UQCC1: variants seen among roughly 807,000 people sequenced by gnomAD.
UQCC1 encodes the protein ubiquinol-cytochrome c reductase complex assembly factor 1, also known as bFGF-repressed Zic-binding protein.
In UQCC1, 38 loss-of-function variants were observed where a neutral mutation model predicts 48.0. The ratio of observed to expected loss-of-function variants is 0.79; its 90% confidence interval spans 0.61 to 1.04. UQCC1 has a LOEUF of 1.04. Among genes scored for constraint, UQCC1 ranks in the 50% least tolerant of loss-of-function variants. The pLI is 0.00. For missense variants in UQCC1, 368 were observed against 381.8 expected (o/e 0.96, Z 0.30); for synonymous variants, 111 against 129.2 (o/e 0.86, Z 0.95).
intron 6 of UQCC1, among the ~76,000 whole-genome samples, chr20:35,351,899 A>G (rs1466789933): frequency 6.6e-6 from 1 of 152,254 alleles, no homozygotes; most frequent in East Asian, 1.9e-4. Context: ...CAATGAACAC[A>G]GGAGTTCCTA....
rs866749553 is a variant in UQCC1, at chr20:35,366,568, T to G, written c.453A>C (p.Leu151=). The G allele has an allele frequency of 1.9e-6, 3 of 1,613,778 alleles. No homozygotes were observed. The Middle Eastern group carries it at 5.0e-4, about 267-fold the overall frequency. ...AATTGCTCACTTACCAGACGTGGAGTAGGGTTATAAGAAACCATGAATTGA... is the reference window on the plus strand; with the variant it reads ...AATTGCTCACTTACCAGACGTGGAGGAGGGTTATAAGAAACCATGAATTGA... ...DTFNSWFLIT[L]LHVWMCLVRM... is the part of the protein sequence containing the mutation. The change falls in exon 6 of 10, where the codon CTA becomes CTC. Residue 151 remains leucine, a synonymous_variant. Transcript: ENST00000374385.
chr20:35,333,568 C>T (rs2061281529), intron 7 of UQCC1, among the ~76,000 whole-genome samples: 1 of 152,168 alleles, frequency 6.6e-6, no homozygotes, highest in African/African-American at 2.4e-5. Flanking sequence ...CAGAAGGGCA[C>T]ATAAATACAC....
chr20:35,327,500 G>A (rs1033145915), intron 7 of UQCC1, among the ~76,000 whole-genome samples: 5 of 152,220 alleles, frequency 3.3e-5, no homozygotes, highest in African/African-American at 1.2e-4. Context: ...ACAGAGACAA[G>A]GTCTTCTGGC....
intron 2 of UQCC1, among the ~76,000 whole-genome samples, 178 bp downstream of exon 2, chr20:35,393,914 G>C (rs2146514335): frequency 6.6e-6 from 1 of 152,252 alleles, no homozygotes; most frequent in Admixed American, 6.5e-5. Context: ...AGGGTATTTA[G>C]AAGCAACGCC....
chr20:35,346,628 T>C (rs1314851663), intron 7 of UQCC1: 3 of 173,976 alleles, frequency 1.7e-5, no homozygotes, highest in Non-Finnish European at 2.5e-5. Flanking sequence ...GACATATATA[T>C]ATATATAATA....
chr20:35,311,528 C>T (rs1208831372), intron 8 of UQCC1, among the ~76,000 whole-genome samples: 1 of 152,142 alleles, frequency 6.6e-6, no homozygotes, highest in African/African-American at 2.4e-5. Flanking sequence ...TATCAAATAG[C>T]TCTAGCACCT....
At chr20:35,400,720 C>T (rs1296185081) in intron 1 of UQCC1, among the ~76,000 whole-genome samples, 1 of 152,116 alleles carries the variant, frequency 6.6e-6, no homozygotes, top group Non-Finnish European at 1.5e-5. Context: ...TGGTCTTGAT[C>T]TCCTGACCTT....
At chr20:35,360,220 AT>A (rs1334626344) in intron 6 of UQCC1, among the ~76,000 whole-genome samples, 1 of 152,122 alleles carries the variant, frequency 6.6e-6, no homozygotes, top group Non-Finnish European at 1.5e-5. Context: ...GCAAAAGAGG[AT>A]GTGCACATGG....
chr20:35,306,921 C>T, intron 8 of UQCC1, 142 bp from the exon 9 acceptor site: 1 of 713,342 alleles, frequency 1.4e-6, no homozygotes, highest in Non-Finnish European at 2.5e-6. Context: ...GGGGCAGTCA[C>T]ACAGTAGAGG....
chr20:35,410,472 C>T (rs1420416128), intron 1 of UQCC1, among the ~76,000 whole-genome samples: 3 of 149,494 alleles, frequency 2.0e-5, no homozygotes, highest in East Asian at 4.0e-4. Context: ...GCAGAGGTTG[C>T]AGTGAGCCGA....
chr20:35,315,484 G>A (rs2061047037), intron 7 of UQCC1: 1 of 152,430 alleles, frequency 6.6e-6, no homozygotes, highest in Non-Finnish European at 1.5e-5. Flanking sequence ...AGAGGAGGGA[G>A]AGAGGCAGGA....
intron 6 of UQCC1, among the ~76,000 whole-genome samples, chr20:35,362,770 A>G (rs1166156459): frequency 6.6e-6 from 1 of 152,154 alleles, no homozygotes; most frequent in African/African-American, 2.4e-5. Flanking sequence ...GAGAAGGCCA[A>G]TGGAATGGGG....
chr20:35,392,344 T>C, intron 2 of UQCC1: 1 of 1,218,632 alleles, frequency 8.2e-7, no homozygotes, highest in African/African-American at 1.6e-5. Context: ...TGATTTACAA[T>C]GACTAAAATT....
intron 6 of UQCC1, among the ~76,000 whole-genome samples, chr20:35,355,686 A>C (rs185446513): frequency 6.6e-6 from 1 of 152,280 alleles, no homozygotes; most frequent in East Asian, 1.9e-4. Context: ...TGTACATAGT[A>C]ATAAAAACCA....
chr20:35,361,276 AC>A (rs1484596157), intron 6 of UQCC1, among the ~76,000 whole-genome samples: 3 of 136,676 alleles, frequency 2.2e-5, no homozygotes, highest in Admixed American at 1.4e-4. Context: ...TTTTTCATCC[AC>A]TCTTTCACTT....
intron 6 of UQCC1, among the ~76,000 whole-genome samples, chr20:35,364,363 T>C (rs2061641561): frequency 6.6e-6 from 1 of 152,220 alleles, no homozygotes; most frequent in African/African-American, 2.4e-5. Context: ...GCATGCATTA[T>C]AGGCAATCGT....
At position 35,394,186 on chromosome 20, in the gene UQCC1, G is replaced by A. The variant is rs2062047033; in HGVS notation, c.35C>T (p.Thr12Ile). Residue 12 changes from threonine to isoleucine, a missense_variant, in exon 2 of 10, where the codon ACT becomes ATT. Physicochemically the swap from Thr to Ile is moderately conservative, Grantham distance 89 (BLOSUM62 -1). Coordinates refer to ENST00000374385, the MANE Select transcript of UQCC1 (RefSeq NM_018244.5). ...ALLVRVLRNQ[T>I]SISQWVPVCS... ...TACTGGAACCCACTGAGAAATGCTA[G>A]TCTGGTTCCTCTAAAGAAAGAAAAT... The A allele has an allele frequency of 1.2e-6, 2 of 1,613,690 alleles. No individual in the cohort carries two copies. Among genetic ancestry groups the A allele is most frequent in the African/African-American group, 1.3e-5 (1 of 74,884 alleles).
chr20:35,358,859 CTGA>C (rs1040662415), intron 6 of UQCC1, among the ~76,000 whole-genome samples: 13 of 152,186 alleles, frequency 8.5e-5, no homozygotes, highest in African/African-American at 2.9e-4. Context: ...CGCGCCTGGC[CTGA>C]TGATGTTCTT....
intron 9 of UQCC1, among the ~76,000 whole-genome samples, chr20:35,304,378 C>T (rs2060905680): frequency 6.6e-6 from 1 of 152,168 alleles, no homozygotes; most frequent in Admixed American, 6.5e-5. Context: ...CTCCCCTACA[C>T]GCCCTCCCTA....
Sources: allele counts gnomAD v4.1 joint callset (sites outside exome capture counted in the v4.1 genomes callset), GRCh38; gene constraint gnomAD v4.1.1; transcripts MANE v1.5; gene names NCBI Gene and HGNC (gene_info 2026-07-23, HGNC 2026-07-21).